RBM33: variants seen among roughly 807,000 people sequenced by gnomAD.
The protein encoded by RBM33 is RNA binding motif protein 33.
Under a neutral mutation model 132.6 loss-of-function variants are expected in RBM33, and 28 were observed. That is an observed-to-expected ratio of 0.21 (90% CI 0.16 to 0.29). The LOEUF (loss-of-function observed/expected upper bound fraction) is 0.29. Among genes scored for constraint, RBM33 ranks in the 10% least tolerant of loss-of-function variants. The probability of loss-of-function intolerance (pLI) is 1.00; values close to 1 mark genes in which losing one functional copy is unlikely to be tolerated. For missense variants in RBM33, 1,291 were observed against 1,518.5 expected (o/e 0.85, Z 2.49); for synonymous variants, 634 against 593.0 (o/e 1.07, Z -1.01).
At chr7:155,738,820 G>T (rs757971798) in intron 11 of RBM33, 1 of 173,312 alleles carries the variant, frequency 5.8e-6, no homozygotes, top group South Asian at 1.3e-4. Context: ...GCTGTTCACT[G>T]GTTATTTGAA....
In RBM33 at chr7:155,737,576, G is replaced by C. The variant is rs765452506; in HGVS notation, c.1307G>C (p.Ser436Thr). ...PQHTPGPVPN[S>T]FSQPPRLPLQ... ...CATACACCTGGACCTGTTCCCAACA[G>C]TTTCAGCCAGCCCCCACGACTCCCT... The change falls in exon 10 of 18, where the codon AGT becomes ACT. Residue 436 changes from serine (S) to threonine (T), a missense_variant. This residue lies in a region of RBM33 where 841 missense variants were observed against 912.0 expected (regional missense o/e 0.92). Transcript: ENST00000401878. 1.9e-6 allele frequency: 3 copies of C among 1,613,296 alleles called. No individual in the cohort carries two copies. The highest frequency in any genetic ancestry group is 2.5e-6 in the Non-Finnish European group (3 of 1,179,686).
chr7:155,700,259 GA>G (rs1205628450), intron 5 of RBM33, among the ~76,000 whole-genome samples: 1 of 152,214 alleles, frequency 6.6e-6, no homozygotes, highest in Non-Finnish European at 1.5e-5. Flanking sequence ...GAGAAATGAT[GA>G]AAGGATTTTG....
chr7:155,724,796 G>A (rs1397264565), intron 9 of RBM33, among the ~76,000 whole-genome samples: 2 of 152,284 alleles, frequency 1.3e-5, no homozygotes, highest in Middle Eastern at 3.4e-3. Context: ...GAGCCTGGCT[G>A]CTTTCCTGTA....
At chr7:155,702,081 AGGCAGGAG>A (rs1000677848) in intron 6 of RBM33, among the ~76,000 whole-genome samples, 7 of 152,296 alleles carry the variant, frequency 4.6e-5, no homozygotes, top group African/African-American at 1.7e-4. Context: ...GGAGGAGGGC[AGGCAGGAG>A]GGCAGGAGGA....
At chr7:155,759,542 T>C (rs371396567) in intron 14 of RBM33, among the ~76,000 whole-genome samples, 9,400 of 151,172 alleles carry the variant, frequency 0.062, 428 homozygotes, top group African/African-American at 0.13. Context: ...CTCAGCCTCC[T>C]GAGTAGCTGG....
chr7:155,765,226 G>A (rs77451755), intron 15 of RBM33, among the ~76,000 whole-genome samples: 5,216 of 152,262 alleles, frequency 0.034, 301 homozygotes, highest in African/African-American at 0.12. Flanking sequence ...CTGGTGCCTG[G>A]TGTATATAAG....
At chr7:155,694,016 C>A (rs938193186) in intron 5 of RBM33, among the ~76,000 whole-genome samples, 2 of 152,134 alleles carry the variant, frequency 1.3e-5, no homozygotes, top group South Asian at 2.1e-4. Flanking sequence ...TGCCGAGCAT[C>A]CTGTTGTGCC....
chr7:155,670,361 G>C (rs1300762458), intron 2 of RBM33, among the ~76,000 whole-genome samples: 1 of 152,228 alleles, frequency 6.6e-6, no homozygotes, highest in African/African-American at 2.4e-5. Context: ...GAAACTGCCA[G>C]ATGGAGACCA....
intron 5 of RBM33, among the ~76,000 whole-genome samples, chr7:155,688,595 A>G (rs1799543387): frequency 6.6e-6 from 1 of 152,166 alleles, no homozygotes; most frequent in Non-Finnish European, 1.5e-5. Flanking sequence ...CCCATTCAGT[A>G]TGATATTGGC....
chr7:155,755,991 CAA>C (rs1485682973), intron 14 of RBM33, among the ~76,000 whole-genome samples: 2 of 152,126 alleles, frequency 1.3e-5, no homozygotes, highest in Non-Finnish European at 2.9e-5. Context: ...CCAGAGATGA[CAA>C]AACTTCTTTT....
chr7:155,718,468 T>A, intron 9 of RBM33, 25 bp downstream of exon 9: 1 of 1,595,570 alleles, frequency 6.3e-7, no homozygotes, highest in South Asian at 1.1e-5. Flanking sequence ...CTCCTTCTCC[T>A]TTGATAGGGA....
chr7:155,737,399 A>C (rs1801163149), intron 9 of RBM33, 131 bp from the exon 10 acceptor site: 1 of 806,538 alleles, frequency 1.2e-6, no homozygotes, highest in Admixed American at 3.4e-5. Flanking sequence ...AAAGAGAAAG[A>C]CAGTGACTGT....
At chr7:155,655,416 T>C (rs113578386) in intron 1 of RBM33, among the ~76,000 whole-genome samples, 136 of 152,282 alleles carry the variant, frequency 8.9e-4, no homozygotes, top group Middle Eastern at 3.4e-3. Flanking sequence ...TCCTTGTACA[T>C]ATTACCTTTG....
chr7:155,680,824 A>G lies in RBM33; in HGVS notation c.483A>G (p.Glu161=). 6.2e-7 allele frequency: 1 copy of G among 1,613,840 alleles called. No individual in the cohort carries two copies. The highest frequency in any genetic ancestry group is 8.5e-7 in the Non-Finnish European group (1 of 1,179,780). The change falls in exon 5 of 18, where the codon GAA becomes GAG. Residue 161 remains glutamate, a synonymous_variant. Coordinates refer to ENST00000401878, the MANE Select transcript of RBM33 (RefSeq NM_053043.3). ...HEAELTEDQI[E]YVEEPEEEQL... is the part of the protein sequence containing the mutation. ...CTGAGTTGACAGAAGACCAAATAGA[A>G]TATGTGGAAGAGCCAGAGGAGGAGC...
rs527861045 is a variant in RBM33 at position 155,719,980 on chromosome 7, G to A, written c.1260+1537G>A. Among the ~76,000 whole-genome samples the A allele has an allele frequency of 7.9e-5, 12 of 152,220 alleles. No homozygotes were observed. The East Asian group carries it at 2.3e-3, about 29-fold the overall frequency. ...CAAGTATAATTGTATCTGATGCTAG[G>A]AATAAAACCTTAGAATACTTTGCCG... is the stretch of plus-strand genomic sequence containing the variant. On this transcript the variant is annotated intron_variant, in intron 9 of 17. Coordinates refer to ENST00000401878, the MANE Select transcript of RBM33 (RefSeq NM_053043.3).
At chr7:155,663,873 C>G (rs940265046) in intron 1 of RBM33, among the ~76,000 whole-genome samples, 3 of 152,116 alleles carry the variant, frequency 2.0e-5, no homozygotes, top group African/African-American at 7.2e-5. Flanking sequence ...AGATGAAAAC[C>G]TTTAATTTCA....
At chr7:155,688,305 G>A (rs1273964757) in intron 5 of RBM33, among the ~76,000 whole-genome samples, 3 of 152,154 alleles carry the variant, frequency 2.0e-5, no homozygotes, top group African/African-American at 4.8e-5. Flanking sequence ...AAGAATGCTC[G>A]TGATTTTTGC....
chr7:155,653,235 G>A (rs939063046), intron 1 of RBM33, among the ~76,000 whole-genome samples: 4 of 152,068 alleles, frequency 2.6e-5, no homozygotes, highest in East Asian at 1.9e-4. Context: ...GAATTGCCAC[G>A]CCAGTCCTTG....
Position 155,741,843 on chromosome 7 carries a change from A to G in RBM33, c.2074A>G (p.Lys692Glu). 3 of 1,612,792 alleles carry G rather than the reference A, an allele frequency of 1.9e-6. No homozygotes were observed. The highest frequency in any genetic ancestry group is 2.5e-6 in the Non-Finnish European group (3 of 1,178,782). Residue 692 changes from lysine to glutamate, a missense_variant, in exon 13 of 18, where the codon AAG becomes GAG. Physicochemically the swap from Lys to Glu is moderately conservative, Grantham distance 56. Around this residue, in one of 7 missense-constraint regions of RBM33, gnomAD observed 841 missense variants for 912.0 expected, o/e 0.92. Transcript: ENST00000401878. ...GAATACAACTTCTCAGAATGTAAGC[A>G]AGCGGCCCATGCAGCAAATGCAGCC... ...RHNTTSQNVS[K>E]RPMQQMQPTA...
Sources: gnomAD v4.1 joint callset for allele counts (sites outside exome capture counted in the v4.1 genomes callset) on GRCh38, gnomAD v4.1.1 for gene constraint, gnomAD v4.1.1 regional missense constraint, MANE v1.5 for transcripts, NCBI Gene and HGNC (gene_info 2026-07-23, HGNC 2026-07-21) for gene names.